THSD7B: variants seen among roughly 807,000 people sequenced by gnomAD.
THSD7B encodes thrombospondin type-1 domain-containing protein 7B.
THSD7B carries 138 observed loss-of-function variants against 213.6 expected under a neutral mutation model. That is an observed-to-expected ratio of 0.65 (90% CI 0.56 to 0.74). THSD7B has a LOEUF of 0.74. Among genes scored for constraint, THSD7B ranks in the 30% least tolerant of loss-of-function variants. The pLI is 0.00. For missense variants in THSD7B, 1,931 were observed against 1,991.5 expected (o/e 0.97, Z 0.58); for synonymous variants, 742 against 687.0 (o/e 1.08, Z -1.25).
chr2:137,620,218 T>C (rs193237430), intron 19 of THSD7B, among the ~76,000 whole-genome samples: 5 of 152,336 alleles, frequency 3.3e-5, no homozygotes, highest in Admixed American at 2.6e-4. Flanking sequence ...TTTTCTAGCC[T>C]AGCTGGCTTT....
At chr2:137,237,577 T>C (rs558924356) in intron 9 of THSD7B, among the ~76,000 whole-genome samples, 3 of 152,234 alleles carry the variant, frequency 2.0e-5, no homozygotes, top group Non-Finnish European at 4.4e-5. Flanking sequence ...AGCATGTGCG[T>C]GTATGTGCAC....
At chr2:137,127,593 T>A (rs914618404) in intron 5 of THSD7B, among the ~76,000 whole-genome samples, 16 of 152,188 alleles carry the variant, frequency 1.1e-4, no homozygotes, top group African/African-American at 3.9e-4. Context: ...TTACTTTTAA[T>A]AGTGTGAATA....
chr2:136,978,074 C>T (rs1685512613), intron 2 of THSD7B, among the ~76,000 whole-genome samples: 1 of 152,190 alleles, frequency 6.6e-6, no homozygotes, highest in Non-Finnish European at 1.5e-5. Flanking sequence ...GCTGGGATTA[C>T]AGGCGTGAGC....
intron 1 of THSD7B, among the ~76,000 whole-genome samples, chr2:136,860,521 A>G (rs1301445654): frequency 2.0e-5 from 3 of 152,080 alleles, no homozygotes; most frequent in African/African-American, 4.8e-5. Context: ...GCCTTCCCCT[A>G]TCTGTTAGTA....
intron 27 of THSD7B, among the ~76,000 whole-genome samples, chr2:137,669,035 C>T (rs780532561): frequency 1.3e-5 from 2 of 151,944 alleles, no homozygotes; most frequent in Non-Finnish European, 2.9e-5. Flanking sequence ...TTCAAGTGTG[C>T]TAAGAATATT....
chr2:137,269,366 C>T (rs113631569), intron 10 of THSD7B, among the ~76,000 whole-genome samples: 314 of 152,274 alleles, frequency 2.1e-3, no homozygotes, highest in African/African-American at 6.8e-3. Flanking sequence ...CGTCTGTATG[C>T]GAGTGTGTAC....
At chr2:137,355,654 T>G (rs921381716) in intron 12 of THSD7B, among the ~76,000 whole-genome samples, 2 of 152,066 alleles carry the variant, frequency 1.3e-5, no homozygotes, top group African/African-American at 4.8e-5. Flanking sequence ...TCCCAAAGAG[T>G]TGCAAATATA....
Position 137,176,638 on chromosome 2 carries a change from C to G in THSD7B, c.1723+5700C>G, listed in dbSNP as rs138010121. 5.9e-3 allele frequency among the ~76,000 whole-genome samples: 901 copies of G among 152,286 alleles called. 4 individuals are homozygous for G. Among genetic ancestry groups the G allele is most frequent in the Middle Eastern group, 0.037 (11 of 294 alleles). On this transcript the variant is annotated intron_variant, in intron 7 of 27. Coordinates refer to ENST00000409968, the MANE Select transcript of THSD7B (RefSeq NM_001316349.2). ...ATTTCCCATTTTTGTGGGTGTCAGC[C>G]TGAAATTCCAGCTGATATCACCTAC...
At chr2:137,280,984 C>T (rs994134615) in intron 12 of THSD7B, among the ~76,000 whole-genome samples, 13 of 151,996 alleles carry the variant, frequency 8.6e-5, no homozygotes, top group African/African-American at 2.9e-4. Flanking sequence ...TTTATCAGCC[C>T]GTGAGTATAC....
At chr2:137,510,079 A>G (rs957394831) in intron 15 of THSD7B, among the ~76,000 whole-genome samples, 5 of 152,078 alleles carry the variant, frequency 3.3e-5, no homozygotes, top group African/African-American at 7.2e-5. Context: ...TAGTCCAAAA[A>G]TCTCTACTGC....
chr2:137,311,848 G>A (rs1055038031), intron 12 of THSD7B, among the ~76,000 whole-genome samples: 4 of 145,942 alleles, frequency 2.7e-5, no homozygotes, highest in Middle Eastern at 3.2e-3. Context: ...GCATCCCAGG[G>A]ATGAAGCCCA....
At chr2:137,617,410 G>C (rs966675959) in intron 18 of THSD7B, among the ~76,000 whole-genome samples, 11 of 152,038 alleles carry the variant, frequency 7.2e-5, no homozygotes, top group Non-Finnish European at 1.2e-4. Context: ...TTAACTTTGG[G>C]ATAATTTATT....
chr2:136,765,651 G>C lies in THSD7B; in HGVS notation c.-72G>C, dbSNP rs997313248. 6.6e-6 allele frequency: 1 copy of C among 152,136 alleles called. No homozygotes were observed. The highest frequency in any genetic ancestry group is 1.5e-5 in the Non-Finnish European group (1 of 68,102). 9.4% of individuals were successfully genotyped at this position (152,136 alleles called of 1,614,324 possible). ...CGCTCGGGAAGCTCGGGGCTCAGCG[G>C]CTCCCAGAGGTTACGGCGGCGGCTC... On this transcript the variant is annotated 5_prime_UTR_variant, in exon 1 of 28. Transcript: ENST00000409968.
At chr2:137,675,415 T>C (rs1237817571) in intron 27 of THSD7B, among the ~76,000 whole-genome samples, 1 of 19,152 alleles carries the variant, frequency 5.2e-5, no homozygotes, top group African/African-American at 1.1e-4. Context: ...TATATATATA[T>C]ATATATATAT....
At chr2:137,254,040 C>T (rs1682248691) in intron 10 of THSD7B, among the ~76,000 whole-genome samples, 1 of 152,132 alleles carries the variant, frequency 6.6e-6, no homozygotes, top group South Asian at 2.1e-4. Context: ...AATCAACAAG[C>T]TACTTTATGC....
At chr2:137,049,171 G>A (rs1405648059) in intron 2 of THSD7B, among the ~76,000 whole-genome samples, 1 of 152,170 alleles carries the variant, frequency 6.6e-6, no homozygotes, top group Admixed American at 6.5e-5. Flanking sequence ...TGAGGCCATC[G>A]CTCGAACCAG....
chr2:137,320,373 C>CAGAAACAG (rs1684236610), intron 12 of THSD7B, among the ~76,000 whole-genome samples: 1 of 152,074 alleles, frequency 6.6e-6, no homozygotes, highest in Admixed American at 6.6e-5. Flanking sequence ...AAACAGTTTG[C>CAGAAACAG]CCTGTTTCTC....
chr2:137,085,626 A>T (rs1286865164), intron 3 of THSD7B, among the ~76,000 whole-genome samples: 7 of 152,076 alleles, frequency 4.6e-5, no homozygotes, highest in Non-Finnish European at 1.0e-4. Flanking sequence ...ATAAAAGAAA[A>T]AGTTATATAG....
chr2:137,519,208 C>A (rs541896418), intron 15 of THSD7B, among the ~76,000 whole-genome samples: 3 of 151,282 alleles, frequency 2.0e-5, no homozygotes, highest in Non-Finnish European at 4.4e-5. Flanking sequence ...GCTGAGATTG[C>A]GCCACTGCAC....
Sources: gnomAD v4.1 joint callset for allele counts (sites outside exome capture counted in the v4.1 genomes callset) on GRCh38, gnomAD v4.1.1 for gene constraint, MANE v1.5 for transcripts, NCBI Gene and HGNC (gene_info 2026-07-23, HGNC 2026-07-21) for gene names.